Variants in GMPR observed in about 807,000 individuals in gnomAD.
GMPR encodes the protein guanosine monophosphate reductase.
In GMPR, 31 loss-of-function variants were observed where a neutral mutation model predicts 38.4. The ratio of observed to expected loss-of-function variants is 0.81; its 90% CI spans 0.61 to 1.09. The LOEUF is 1.09. GMPR is among the 50% of genes least tolerant of loss of function. GMPR has a pLI of 0.00. For missense variants in GMPR, 468 were observed against 453.7 expected (o/e 1.03, Z -0.29); for synonymous variants, 162 against 173.3 (o/e 0.93, Z 0.51).
chr6:16,266,347 T>C (rs564519654), intron 4 of GMPR, among the ~76,000 whole-genome samples: 5 of 148,870 alleles, frequency 3.4e-5, no homozygotes, highest in African/African-American at 1.2e-4. Context: ...GCGCCACCTT[T>C]AAGAGCTGTA....
chr6:16,264,082 C>T (rs574558754), intron 4 of GMPR, among the ~76,000 whole-genome samples: 29 of 152,102 alleles, frequency 1.9e-4, no homozygotes, highest in African/African-American at 7.0e-4. Context: ...CGTGGTCTGA[C>T]ACCTCTGAAA....
At chr6:16,258,690 CT>C (rs1257720237) in intron 4 of GMPR, among the ~76,000 whole-genome samples, 1 of 152,196 alleles carries the variant, frequency 6.6e-6, no homozygotes, top group Non-Finnish European at 1.5e-5. Context: ...TGCATTGACC[CT>C]TGAAATCTGT....
At position 16,239,030 on chromosome 6, in the gene GMPR, A is replaced by G. The variant is rs561164301; in HGVS notation, c.87+250A>G. Among the ~76,000 whole-genome samples the G allele has an allele frequency of 5.1e-4, 77 of 152,242 alleles. No individual in the cohort carries two copies. In the South Asian group the frequency reaches 5.4e-3, roughly 11 times the overall value. Reference sequence around the variant, plus strand: ...GTGGCCTAGGGGAAGTTCACAGTGAAACTCGACCACAGATGAGCGAGATCC... The same window carrying G: ...GTGGCCTAGGGGAAGTTCACAGTGAGACTCGACCACAGATGAGCGAGATCC... On this transcript the variant is annotated intron_variant, in intron 1 of 8. Coordinates refer to ENST00000259727, the MANE Select transcript of GMPR (RefSeq NM_006877.4).
chr6:16,295,194 G>C lies in GMPR; in HGVS notation c.*8G>C, dbSNP rs1377172133. ...AACACCGTGTTCAGCTAACCCTGGG[G>C]ACAAAGCAGCGTCTGGCTCGAGTGG... is the stretch of plus-strand genomic sequence containing the variant. On this transcript the variant is annotated 3_prime_UTR_variant, in exon 9 of 9. Coordinates refer to ENST00000259727, the MANE Select transcript of GMPR (RefSeq NM_006877.4). The C allele has an allele frequency of 6.7e-7, 1 of 1,497,132 alleles. No homozygotes were observed. The highest frequency in any genetic ancestry group is 1.4e-5 in the African/African-American group (1 of 69,066). 92.7% of individuals were successfully genotyped at this position (1,497,132 alleles called of 1,614,324 possible).
intron 2 of GMPR, among the ~76,000 whole-genome samples, chr6:16,247,847 C>A (rs1450358467): frequency 6.6e-6 from 1 of 152,098 alleles, no homozygotes; most frequent in Non-Finnish European, 1.5e-5. Context: ...GGAATTTACC[C>A]CTTAACTTAA....
chr6:16,254,156 C>G (rs966326883), intron 3 of GMPR, among the ~76,000 whole-genome samples: 3 of 152,162 alleles, frequency 2.0e-5, no homozygotes, highest in Admixed American at 2.0e-4. Flanking sequence ...GTCTCGAACT[C>G]CTGACCTCAG....
intron 7 of GMPR, among the ~76,000 whole-genome samples, chr6:16,288,254 G>A (rs1400095232): frequency 6.6e-6 from 1 of 152,266 alleles, no homozygotes; most frequent in Non-Finnish European, 1.5e-5. Flanking sequence ...GAGGTGTGGA[G>A]GGAGAGGCGC....
chr6:16,238,929 C>A, intron 1 of GMPR, 149 bp downstream of exon 1: 1 of 371,010 alleles, frequency 2.7e-6, no homozygotes, highest in Non-Finnish European at 5.1e-6. Flanking sequence ...CGCCCCAGCA[C>A]CTGCCAGGAC....
At chr6:16,287,205 A>G (rs1412372957) in intron 7 of GMPR, among the ~76,000 whole-genome samples, 2 of 152,196 alleles carry the variant, frequency 1.3e-5, no homozygotes, top group African/African-American at 4.8e-5. Context: ...AGCCTCTGCT[A>G]ACTAGTGCTG....
chr6:16,251,628 T>C lies in GMPR; in HGVS notation c.291+1261T>C, dbSNP rs536238548. 2.6e-5 allele frequency among the ~76,000 whole-genome samples: 4 copies of C among 152,254 alleles called. No homozygotes were observed. The South Asian group carries it at 6.2e-4, about 24-fold the overall frequency. ...CATCTATGATCCTATTTCTAGGAAATGTCCAGAATAGGCAAATCTAAGTCA... is the reference window on the plus strand; with the variant it reads ...CATCTATGATCCTATTTCTAGGAAACGTCCAGAATAGGCAAATCTAAGTCA... On this transcript the variant is annotated intron_variant, in intron 3 of 8. Coordinates refer to ENST00000259727, the MANE Select transcript of GMPR (RefSeq NM_006877.4).
At position 16,285,830 on chromosome 6, in the gene GMPR, C is replaced by T; in HGVS notation, c.692C>T (p.Ala231Val). 6.2e-7 allele frequency: 1 copy of T among 1,611,536 alleles called. No homozygotes were observed. Among genetic ancestry groups the T allele is most frequent in the Non-Finnish European group, 8.5e-7 (1 of 1,178,716 alleles). ...GCTCPGDVAKAFGAGADFVML... is the reference protein window; with the variant it reads ...GCTCPGDVAKVFGAGADFVML... ...ACGTGTCCAGGGGATGTCGCCAAAG[C>T]CTTTGGTAAGGCCGGGCCCTGGTGC... The change falls in exon 7 of 9, where the codon GCC becomes GTC. Residue 231 changes from alanine to valine, a missense_variant. Transcript: ENST00000259727.
chr6:16,265,924 G>A (rs1265463026), intron 4 of GMPR, among the ~76,000 whole-genome samples: 1 of 152,178 alleles, frequency 6.6e-6, no homozygotes, highest in Admixed American at 6.5e-5. Flanking sequence ...TTTCACTCCT[G>A]AAGTCAGTGA....
chr6:16,287,066 C>T (rs781113462), intron 7 of GMPR, among the ~76,000 whole-genome samples: 1 of 152,176 alleles, frequency 6.6e-6, no homozygotes, highest in Non-Finnish European at 1.5e-5. Flanking sequence ...TAGATCCTAT[C>T]TGTGGAGAGG....
At chr6:16,268,246 C>T (rs1300305724) in intron 4 of GMPR, among the ~76,000 whole-genome samples, 1 of 152,210 alleles carries the variant, frequency 6.6e-6, no homozygotes, top group Admixed American at 6.5e-5. Context: ...TGGATAGCAA[C>T]TATTTTTCCA....
chr6:16,287,532 G>A (rs1187543701), intron 7 of GMPR, among the ~76,000 whole-genome samples: 2 of 152,196 alleles, frequency 1.3e-5, no homozygotes, highest in Non-Finnish European at 2.9e-5. Context: ...ACCTTGTCAG[G>A]GAAGGATGCA....
At chr6:16,273,389 A>T (rs1035168891) in intron 4 of GMPR, among the ~76,000 whole-genome samples, 16 of 152,190 alleles carry the variant, frequency 1.1e-4, no homozygotes, top group African/African-American at 3.9e-4. Flanking sequence ...TGGCTGAAGA[A>T]TCCACAGGGC....
chr6:16,269,201 A>G (rs1759333103), intron 4 of GMPR, among the ~76,000 whole-genome samples: 1 of 152,060 alleles, frequency 6.6e-6, no homozygotes, highest in Non-Finnish European at 1.5e-5. Context: ...ATTTGAGAGA[A>G]CTTTCTTTGT....
intron 4 of GMPR, among the ~76,000 whole-genome samples, chr6:16,270,119 C>CT (rs1261411979): frequency 1.3e-5 from 2 of 152,234 alleles, no homozygotes; most frequent in Non-Finnish European, 2.9e-5. Flanking sequence ...ACCATACCAA[C>CT]TTTTTAAAAA....
chr6:16,285,032 AC>A lies in GMPR; in HGVS notation c.655-760del, dbSNP rs778202191. ...GAGACTGTCTCAAAAAAAAAAAAAA[AC>A]AAAAAAAAAAAAACAGAAAAGAAAA... is the stretch of plus-strand genomic sequence containing the variant. On this transcript the variant is annotated intron_variant, in intron 6 of 8. Transcript: ENST00000259727. Among the ~76,000 whole-genome samples the A allele has an allele frequency of 6.6e-3, 661 of 100,378 alleles. 20 individuals are homozygous for A. The highest frequency in any genetic ancestry group is 0.017 in the African/African-American group (398 of 22,874). 65.9% of individuals were successfully genotyped at this position (100,378 alleles called of 152,430 possible).
Sources: gnomAD v4.1 joint callset for allele counts (sites outside exome capture counted in the v4.1 genomes callset) on GRCh38, gnomAD v4.1.1 for gene constraint, MANE v1.5 for transcripts, NCBI Gene and HGNC (gene_info 2026-07-23, HGNC 2026-07-21) for gene names.